CD6: variants seen among roughly 807,000 people sequenced by gnomAD.
The protein encoded by CD6 is CD6 molecule.
CD6 carries 53 observed loss-of-function variants against 75.3 expected under a neutral mutation model. The ratio of observed to expected loss-of-function variants is 0.70; its 90% CI spans 0.56 to 0.88. The LOEUF (loss-of-function observed/expected upper bound fraction) is 0.88. Ranked by LOEUF, CD6 falls within the 40% of genes least tolerant of loss-of-function variation. CD6 has a pLI of 0.00. For missense variants in CD6, 770 were observed against 897.1 expected (o/e 0.86, Z 1.81); for synonymous variants, 359 against 381.5 (o/e 0.94, Z 0.69).
intron 8 of CD6, chr11:61,015,331 G>A (rs192885681): frequency 1.1e-3 from 180 of 170,696 alleles, no homozygotes; most frequent in African/African-American, 4.1e-3. Flanking sequence ...CGCATTTTGG[G>A]AGGCCGAGGG....
At chr11:61,003,988 T>TG (rs1858721909) in intron 1 of CD6, among the ~76,000 whole-genome samples, 1 of 152,220 alleles carries the variant, frequency 6.6e-6, no homozygotes, top group Non-Finnish European at 1.5e-5. Flanking sequence ...GCTCATTCAT[T>TG]CAGTCAATCA....
chr11:60,987,688 T>C (rs1857879436), intron 1 of CD6, among the ~76,000 whole-genome samples: 1 of 151,216 alleles, frequency 6.6e-6, no homozygotes, highest in South Asian at 2.1e-4. Context: ...ATATCTCAGG[T>C]TATTTGGCAA....
chr11:61,009,825 CAA>C lies in CD6; in HGVS notation c.1036_1037del (p.Asn346LeufsTer81). 1 of 1,586,118 alleles carries C rather than the reference CAA, an allele frequency of 6.3e-7. No individual in the cohort carries two copies. Among genetic ancestry groups the C allele is most frequent in the South Asian group, 1.1e-5 (1 of 86,980 alleles). ...TCTCCAACTGCTCCTGGCGGTTCAACAACTCCAACCTCTGCAGCCAGTCGCTG... is the reference window on the plus strand; with the variant it reads ...TCTCCAACTGCTCCTGGCGGTTCAACCTCCAACCTCTGCAGCCAGTCGCTG... ...TLSNCSWRFN[N>X]SNLCSQSLAA... On this transcript the variant is annotated frameshift_variant, in exon 5 of 13. Coordinates refer to ENST00000313421, the MANE Select transcript of CD6 (RefSeq NM_006725.5). LOFTEE classifies it high-confidence loss of function.
intron 1 of CD6, among the ~76,000 whole-genome samples, chr11:60,975,279 A>G (rs1857323391): frequency 1.3e-5 from 2 of 152,234 alleles, no homozygotes. Context: ...GCTATTCCAT[A>G]GGGTAGCCCC....
intron 1 of CD6, among the ~76,000 whole-genome samples, chr11:60,989,102 C>G (rs1444542018): frequency 6.6e-6 from 1 of 152,182 alleles, no homozygotes; most frequent in African/African-American, 2.4e-5. Flanking sequence ...TTAACTCTTG[C>G]TACTTGTTGA....
rs527998550 is a variant in CD6, at chr11:61,007,171, C to T, written c.119-389C>T. ...CTCTAGGACAGTACCCTCAGAGGAG[C>T]AGAGGGGCCTTCAGGGGAAGCATGC... is the stretch of plus-strand genomic sequence containing the variant. On this transcript the variant is annotated intron_variant, in intron 2 of 12. Coordinates refer to ENST00000313421, the MANE Select transcript of CD6 (RefSeq NM_006725.5). The surrounding 1 kb of genome is among the most constrained non-coding windows in gnomAD (Gnocchi z 4.2). Among the ~76,000 whole-genome samples, 1 of 152,256 alleles carries T rather than the reference C, an allele frequency of 6.6e-6. No individual in the cohort carries two copies.
At chr11:61,018,187 G>C in intron 11 of CD6, 102 bp from the exon 12 acceptor site, 1 of 1,305,174 alleles carries the variant, frequency 7.7e-7, no homozygotes, top group Non-Finnish European at 1.1e-6. Context: ...CATTTGCCAA[G>C]CTAGGGACTT....
chr11:61,006,462 G>A, intron 1 of CD6, 112 bp from the exon 2 acceptor site: 1 of 803,286 alleles, frequency 1.2e-6, no homozygotes. Context: ...TTTTCCAAAG[G>A]CCTCATGTAG....
chr11:60,979,034 T>A (rs1413577729), intron 1 of CD6, among the ~76,000 whole-genome samples: 1 of 152,190 alleles, frequency 6.6e-6, no homozygotes, highest in Non-Finnish European at 1.5e-5. Flanking sequence ...GGTGACCTCA[T>A]TTTATAGATG....
chr11:61,009,817 C>A lies in CD6; in HGVS notation c.1027C>A (p.Arg343=), dbSNP rs762986173. 24 of 1,596,370 alleles carry A rather than the reference C, an allele frequency of 1.5e-5. No homozygotes were observed. In the Admixed American group the frequency reaches 3.6e-4, roughly 24 times the overall value. The stretch of plus-strand genomic sequence containing the variant: ...GCTCACCCTCTCCAACTGCTCCTGG[C>A]GGTTCAACAACTCCAACCTCTGCAG... ...EELTLSNCSW[R]FNNSNLCSQS... is the part of the protein sequence containing the mutation. Residue 343 remains arginine (R), a synonymous_variant, in exon 5 of 13, where the codon CGG becomes AGG. Coordinates refer to ENST00000313421, the MANE Select transcript of CD6 (RefSeq NM_006725.5).
rs563029303 is a variant in CD6 at position 61,012,307 on chromosome 11, T to C, written c.1151-1116T>C. ...GCAAAGAGTGAAGCACAAAGAGAGA[T>C]CCAGGGACCACACCCCGGCCCTTGG... On this transcript the variant is annotated intron_variant, in intron 6 of 12. Coordinates refer to ENST00000313421, the MANE Select transcript of CD6 (RefSeq NM_006725.5). 3.0e-4 allele frequency among the ~76,000 whole-genome samples: 45 copies of C among 152,210 alleles called. 2 individuals carry two copies. The highest frequency in any genetic ancestry group is 1.1e-3 in the African/African-American group (45 of 41,508).
Position 61,009,560 on chromosome 11 carries a change from C to A in CD6, c.782-12C>A. On this transcript the variant is annotated splice_polypyrimidine_tract_variant and intron_variant, in intron 4 of 12. Coordinates refer to ENST00000313421, the MANE Select transcript of CD6 (RefSeq NM_006725.5). The stretch of plus-strand genomic sequence containing the variant: ...TTCTGACCTGACTCTGTCCCCTGCC[C>A]CTTCCCTGCAGAGCACCAGTCCTGG... 6.3e-7 allele frequency: 1 copy of A among 1,584,366 alleles called. No homozygotes were observed. Among genetic ancestry groups the A allele is most frequent in the Non-Finnish European group, 8.6e-7 (1 of 1,165,790 alleles).
chr11:60,986,804 G>A (rs1015388345), intron 1 of CD6, among the ~76,000 whole-genome samples: 1 of 152,156 alleles, frequency 6.6e-6, no homozygotes, highest in Non-Finnish European at 1.5e-5. Context: ...TAGAGTTGCT[G>A]CAACAAACTG....
chr11:60,989,926 C>T (rs1857994627), intron 1 of CD6, among the ~76,000 whole-genome samples: 1 of 152,270 alleles, frequency 6.6e-6, no homozygotes, highest in South Asian at 2.1e-4. Flanking sequence ...CAGAGAAGGG[C>T]AGAAAAATCG....
chr11:60,972,873 C>T (rs1489866103), intron 1 of CD6, among the ~76,000 whole-genome samples: 1 of 152,178 alleles, frequency 6.6e-6, no homozygotes, highest in Non-Finnish European at 1.5e-5. Context: ...CTGCCTTGAT[C>T]TCCAGGCATG....
intron 12 of CD6, chr11:61,018,653 C>A: frequency 2.1e-6 from 1 of 485,888 alleles, no homozygotes; most frequent in Non-Finnish European, 3.7e-6. Flanking sequence ...CCAGTCTCTA[C>A]AAAACTAAAA....
chr11:60,992,355 T>C (rs973389077), intron 1 of CD6, among the ~76,000 whole-genome samples: 56 of 150,588 alleles, frequency 3.7e-4, no homozygotes, highest in African/African-American at 1.3e-3. Flanking sequence ...TATATAACTA[T>C]GAGGTGAGGG....
intron 4 of CD6, 124 bp from the exon 5 acceptor site, chr11:61,009,448 G>A (rs1392442503): frequency 4.7e-6 from 4 of 849,770 alleles, no homozygotes; most frequent in Non-Finnish European, 7.1e-6. Context: ...GACACAGGAG[G>A]GAGAAGACAC....
intron 1 of CD6, among the ~76,000 whole-genome samples, chr11:60,993,398 A>G (rs1252195661): frequency 1.3e-5 from 2 of 151,912 alleles, no homozygotes; most frequent in African/African-American, 2.4e-5. Flanking sequence ...TGTAGAATCA[A>G]TAGCCAGCTG....
Sources: allele counts gnomAD v4.1 joint callset (sites outside exome capture counted in the v4.1 genomes callset), GRCh38; gene constraint gnomAD v4.1.1; non-coding constraint Gnocchi (gnomAD v3.1); transcripts MANE v1.5; gene names NCBI Gene and HGNC (gene_info 2026-07-23, HGNC 2026-07-21).